Variants in RNGTT observed in about 807,000 individuals in gnomAD.
RNGTT encodes mRNA-capping enzyme.
A neutral mutation model predicts 79.3 loss-of-function variants in RNGTT; 33 were observed. That is an observed-to-expected ratio of 0.42 (90% CI 0.32 to 0.56). RNGTT has a LOEUF of 0.56. RNGTT is among the 20% of genes least tolerant of loss of function. The pLI is 0.17. For synonymous variants in RNGTT, 222 were observed against 235.9 expected (o/e 0.94, Z 0.54); for missense variants, 497 against 739.1 (o/e 0.67, Z 3.80).
intron 1 of RNGTT, among the ~76,000 whole-genome samples, chr6:88,951,958 T>C (rs568601629): frequency 2.0e-4 from 31 of 152,092 alleles, no homozygotes; most frequent in Admixed American, 1.4e-3. Context: ...GCTGCAGATA[T>C]GAGCACAAAA....
intron 13 of RNGTT, among the ~76,000 whole-genome samples, chr6:88,757,714 G>A (rs1055188200): frequency 6.6e-6 from 1 of 152,152 alleles, no homozygotes; most frequent in Non-Finnish European, 1.5e-5. Flanking sequence ...TTCAATGAAA[G>A]TAGGAACAAA....
At chr6:88,677,264 T>G (rs1774910387) in intron 14 of RNGTT, among the ~76,000 whole-genome samples, 1 of 143,694 alleles carries the variant, frequency 7.0e-6, no homozygotes, top group African/African-American at 2.6e-5. Context: ...AAAATCAGAT[T>G]ACTGGTTGCC....
intron 13 of RNGTT, among the ~76,000 whole-genome samples, chr6:88,765,258 A>G (rs1376060299): frequency 1.3e-5 from 2 of 152,024 alleles, no homozygotes; most frequent in African/African-American, 4.8e-5. Flanking sequence ...TAGAAGGACA[A>G]AAATTTTTAT....
chr6:88,731,399 T>G (rs1292033432), intron 13 of RNGTT, among the ~76,000 whole-genome samples: 1 of 152,092 alleles, frequency 6.6e-6, no homozygotes, highest in East Asian at 1.9e-4. Flanking sequence ...AAAACCACAG[T>G]CTGAAGAGAC....
In RNGTT at chr6:88,902,984, G is replaced by A. The variant is rs956679687; in HGVS notation, c.684+1731C>T. On this transcript the variant is annotated intron_variant, in intron 6 of 15. Transcript: ENST00000369485. Reference sequence around the variant, plus strand: ...GCTGGGATTACAGGCGTGAGCCACCGCACCTGGCCATGAAATCTTGAGTAA... The same window carrying A: ...GCTGGGATTACAGGCGTGAGCCACCACACCTGGCCATGAAATCTTGAGTAA... 3.3e-5 allele frequency among the ~76,000 whole-genome samples: 5 copies of A among 152,062 alleles called. No individual in the cohort carries two copies. The South Asian group carries it at 6.2e-4, about 19-fold the overall frequency.
At chr6:88,815,199 T>C (rs1224195793) in intron 11 of RNGTT, among the ~76,000 whole-genome samples, 1 of 152,190 alleles carries the variant, frequency 6.6e-6, no homozygotes, top group Non-Finnish European at 1.5e-5. Context: ...AAATCCAGTA[T>C]AAACTGTGGA....
rs533216554 is a variant in RNGTT, at chr6:88,704,476, C to T, written c.1440-26057G>A. On this transcript the variant is annotated intron_variant, in intron 13 of 15. Coordinates refer to ENST00000369485, the MANE Select transcript of RNGTT (RefSeq NM_003800.5). Reference sequence around the variant, plus strand: ...CAATATGATCAAGACAGGAGTGAATCATTTCACTCTCCTTTATGATCAAAG... The same window carrying T: ...CAATATGATCAAGACAGGAGTGAATTATTTCACTCTCCTTTATGATCAAAG... 5.9e-5 allele frequency among the ~76,000 whole-genome samples: 9 copies of T among 152,120 alleles called. No homozygotes were observed. The South Asian group carries it at 1.9e-3, about 32-fold the overall frequency.
rs1040781367 is a variant in RNGTT, at chr6:88,812,105, C to G, written c.1270-10473G>C. 3.9e-5 allele frequency among the ~76,000 whole-genome samples: 6 copies of G among 152,158 alleles called. No individual in the cohort carries two copies. The South Asian group carries it at 1.2e-3, about 32-fold the overall frequency. Reference sequence around the variant, plus strand: ...CTCATCACAAAGCCAACATCATTATCTTCTTTTAAAAAAGAATGACTTGAT... The same window carrying G: ...CTCATCACAAAGCCAACATCATTATGTTCTTTTAAAAAAGAATGACTTGAT... On this transcript the variant is annotated intron_variant, in intron 11 of 15. Transcript: ENST00000369485.
chr6:88,940,450 C>T (rs1023368038), intron 2 of RNGTT, among the ~76,000 whole-genome samples: 24 of 152,218 alleles, frequency 1.6e-4, no homozygotes, highest in African/African-American at 4.6e-4. Context: ...TGGTGTTGGT[C>T]GGGTAAAGCA....
At chr6:88,729,502 A>C (rs1777037526) in intron 13 of RNGTT, among the ~76,000 whole-genome samples, 1 of 152,156 alleles carries the variant, frequency 6.6e-6, no homozygotes, top group African/African-American at 2.4e-5. Flanking sequence ...GATCAATTTA[A>C]AGCCCGAAAT....
chr6:88,802,818 C>T lies in RNGTT; in HGVS notation c.1270-1186G>A, dbSNP rs930145684. Among the ~76,000 whole-genome samples the T allele has an allele frequency of 3.2e-4, 48 of 152,126 alleles. 3 individuals carry two copies. Among genetic ancestry groups the T allele is most frequent in the Non-Finnish European group, 5.9e-5 (4 of 68,018 alleles). On this transcript the variant is annotated intron_variant, in intron 11 of 15. Transcript: ENST00000369485. ...ACAGCATGGGGGGAAATAGCCCCCACGAATCAATTACTTCCCACCAGGTCC... is the reference window on the plus strand; with the variant it reads ...ACAGCATGGGGGGAAATAGCCCCCATGAATCAATTACTTCCCACCAGGTCC...
At chr6:88,951,111 G>A (rs142145460) in intron 1 of RNGTT, among the ~76,000 whole-genome samples, 3,786 of 152,042 alleles carry the variant, frequency 0.025, 126 homozygotes, top group African/African-American at 0.079. Flanking sequence ...CGCCTGCCTC[G>A]GCCTCCCAGA....
chr6:88,716,917 T>A (rs954175981), intron 13 of RNGTT, among the ~76,000 whole-genome samples: 1 of 152,134 alleles, frequency 6.6e-6, no homozygotes, highest in Non-Finnish European at 1.5e-5. Context: ...TGTATACATA[T>A]GTAACTAACC....
chr6:88,783,882 G>C (rs1779144665), intron 12 of RNGTT, among the ~76,000 whole-genome samples: 3 of 152,104 alleles, frequency 2.0e-5, no homozygotes, highest in Admixed American at 1.3e-4. Flanking sequence ...GAGAATCACT[G>C]ATCTAAAGTA....
At chr6:88,647,622 G>A (rs2127776184) in intron 14 of RNGTT, among the ~76,000 whole-genome samples, 1 of 150,418 alleles carries the variant, frequency 6.6e-6, no homozygotes, top group East Asian at 1.9e-4. Flanking sequence ...TGAGGTAGGA[G>A]GATCACTTGA....
chr6:88,689,643 G>C (rs192297351), intron 13 of RNGTT, among the ~76,000 whole-genome samples: 1 of 149,078 alleles, frequency 6.7e-6, no homozygotes, highest in East Asian at 2.0e-4. Context: ...TATGAGAAGA[G>C]ACAGTTCTTG....
chr6:88,697,830 C>T (rs1582345203), intron 13 of RNGTT, among the ~76,000 whole-genome samples: 1 of 148,726 alleles, frequency 6.7e-6, no homozygotes, highest in Non-Finnish European at 1.5e-5. Context: ...GAGACTGCAC[C>T]ACTGCACTCC....
intron 14 of RNGTT, among the ~76,000 whole-genome samples, chr6:88,660,722 G>C (rs1256032361): frequency 6.6e-6 from 1 of 152,100 alleles, no homozygotes; most frequent in Non-Finnish European, 1.5e-5. Context: ...AATAGTGGGG[G>C]ACTTCAATAC....
At chr6:88,669,129 T>C (rs755453213) in intron 14 of RNGTT, among the ~76,000 whole-genome samples, 2 of 152,156 alleles carry the variant, frequency 1.3e-5, no homozygotes. Context: ...TTGATGGAAC[T>C]GGGCTTGACC....
Sources: allele counts gnomAD v4.1 joint callset (sites outside exome capture counted in the v4.1 genomes callset), GRCh38; gene constraint gnomAD v4.1.1; transcripts MANE v1.5; gene names NCBI Gene and HGNC (gene_info 2026-07-23, HGNC 2026-07-21).